The following GPRASP3 variants were observed in gnomAD, a reference collection of about 807,000 sequenced individuals.
GPRASP3 encodes the protein G protein-coupled receptor associated sorting protein family member 3.
At chrX:102,721,574 C>T in the GPRASP3 span, among the ~76,000 whole-genome samples, 2 of 111,011 alleles carry the variant, frequency 1.8e-5, no homozygotes, top group Non-Finnish European at 3.8e-5. Context: ...GGCCCTTCAC[C>T]TAGGATTTCT....
chrX:102,732,566 C>A, the GPRASP3 span, among the ~76,000 whole-genome samples: 5 of 112,152 alleles, frequency 4.5e-5, no homozygotes, highest in African/African-American at 1.6e-4. Context: ...TTAAAAACAA[C>A]TGATGAGACT....
the GPRASP3 span, chrX:102,748,694 C>T: frequency 4.5e-6 from 1 of 224,318 alleles, no homozygotes; most frequent in Non-Finnish European, 8.1e-6. Flanking sequence ...TTTCTTCAAC[C>T]TCAGGTCCAT....
the GPRASP3 span, among the ~76,000 whole-genome samples, chrX:102,747,228 G>T: frequency 4.5e-5 from 5 of 112,127 alleles, no homozygotes; most frequent in African/African-American, 6.5e-5. Context: ...CTTAGTTTCT[G>T]ATTCTCAAAA....
At chrX:102,732,468 A>G in the GPRASP3 span, among the ~76,000 whole-genome samples, 1 of 110,707 alleles carries the variant, frequency 9.0e-6, no homozygotes, top group Non-Finnish European at 1.9e-5. Context: ...TTGATGACCC[A>G]TCCTTTTTGT....
At chrX:102,742,164 T>G in the GPRASP3 span, among the ~76,000 whole-genome samples, 1 of 112,294 alleles carries the variant, frequency 8.9e-6, no homozygotes, top group Admixed American at 9.4e-5. Flanking sequence ...CTGATGAAAT[T>G]ATGACAGTGA....
the GPRASP3 span, chrX:102,752,936 A>AT: frequency 1.3e-3 from 150 of 114,717 alleles, no homozygotes; most frequent in Admixed American, 3.2e-3. Flanking sequence ...CATCCGACTA[A>AT]TTTTTTTTTT....
chrX:102,732,461 A>C, the GPRASP3 span, among the ~76,000 whole-genome samples: 176 of 109,693 alleles, frequency 1.6e-3, no homozygotes, highest in Non-Finnish European at 2.7e-3. Context: ...CTGGAGCTTG[A>C]TGACCCATCC....
the GPRASP3 span, among the ~76,000 whole-genome samples, chrX:102,729,425 T>C: frequency 8.9e-6 from 1 of 112,024 alleles, no homozygotes; most frequent in Non-Finnish European, 1.9e-5. Flanking sequence ...ATCATAATAT[T>C]ATAGAACACT....
the GPRASP3 span, chrX:102,749,677 C>A: frequency 8.3e-7 from 1 of 1,211,163 alleles, no homozygotes; most frequent in Non-Finnish European, 1.1e-6. Context: ...TGCTGTAACT[C>A]CAGCTGTGTT....
the GPRASP3 span, among the ~76,000 whole-genome samples, chrX:102,748,404 A>T: frequency 9.0e-6 from 1 of 111,398 alleles, no homozygotes; most frequent in Non-Finnish European, 1.9e-5. Flanking sequence ...TTAGTGGTGG[A>T]CCTACTAGCA....
the GPRASP3 span, among the ~76,000 whole-genome samples, chrX:102,730,061 A>G: frequency 8.9e-6 from 1 of 112,019 alleles, no homozygotes; most frequent in Non-Finnish European, 1.9e-5. Flanking sequence ...TTACATTGTA[A>G]TAGATAATGA....
the GPRASP3 span, chrX:102,749,823 G>C: frequency 4.1e-6 from 5 of 1,209,826 alleles, no homozygotes; most frequent in Non-Finnish European, 5.6e-6. Flanking sequence ...CATGCTCACA[G>C]CCTATCCCTG....
the GPRASP3 span, among the ~76,000 whole-genome samples, chrX:102,742,379 A>G: frequency 8.9e-6 from 1 of 111,766 alleles, no homozygotes; most frequent in African/African-American, 3.3e-5. Context: ...TTGTAGGCCT[A>G]ACAAATTAGC....
chrX:102,722,179 C>T, the GPRASP3 span, among the ~76,000 whole-genome samples: 54 of 111,735 alleles, frequency 4.8e-4, no homozygotes, highest in Non-Finnish European at 8.1e-4. Flanking sequence ...TCCATGTCAC[C>T]CACACTTCTG....
the GPRASP3 span, among the ~76,000 whole-genome samples, chrX:102,723,942 T>C: frequency 1.8e-5 from 2 of 111,065 alleles, no homozygotes; most frequent in African/African-American, 6.6e-5. Context: ...CTAGGGAGAG[T>C]GGTGTACCCT....
At chrX:102,726,148 A>G in the GPRASP3 span, among the ~76,000 whole-genome samples, 2 of 112,314 alleles carry the variant, frequency 1.8e-5, 1 homozygote, top group Admixed American at 1.9e-4. Flanking sequence ...CTTATGAGGT[A>G]GGTGCTGCTA....
At chrX:102,746,992 T>TCC in the GPRASP3 span, among the ~76,000 whole-genome samples, 3 of 112,001 alleles carry the variant, frequency 2.7e-5, no homozygotes, top group African/African-American at 6.5e-5. Flanking sequence ...TAATGATGTG[T>TCC]GAGAATGTGG....
At chrX:102,749,238 G>A in the GPRASP3 span, 1 of 1,211,523 alleles carries the variant, frequency 8.3e-7, no homozygotes, top group Non-Finnish European at 1.1e-6. Flanking sequence ...CTAAGACTCT[G>A]GGCAAAGCCA....
the GPRASP3 span, chrX:102,749,443 G>A: frequency 8.3e-7 from 1 of 1,212,067 alleles, no homozygotes; most frequent in Non-Finnish European, 1.1e-6. Flanking sequence ...CTGTGCTGAG[G>A]AGTTGGAACC....
Sources: gnomAD v4.1 joint callset for allele counts (sites outside exome capture counted in the v4.1 genomes callset) on GRCh38, gnomAD v4.1.1 for gene constraint, MANE v1.5 for transcripts, NCBI Gene and HGNC (gene_info 2026-07-23, HGNC 2026-07-21) for gene names.